KCNT1: variants seen among roughly 807,000 people sequenced by gnomAD.
KCNT1 encodes potassium sodium-activated channel subfamily T member 1.
Under a neutral mutation model 147.8 loss-of-function variants are expected in KCNT1, and 78 were observed. That is an observed-to-expected ratio of 0.53 (90% CI 0.44 to 0.64). KCNT1 has a LOEUF of 0.64. Ranked by LOEUF, KCNT1 falls within the 30% of genes least tolerant of loss-of-function variation. The pLI is 0.00. For synonymous variants in KCNT1, 867 were observed against 748.8 expected (o/e 1.16, Z -2.58); for missense variants, 1,419 against 1,750.3 (o/e 0.81, Z 3.38).
At chr9:135,750,807 C>T (rs1416810573) in intron 3 of KCNT1, 135 bp from the exon 4 acceptor site, 1 of 750,490 alleles carries the variant, frequency 1.3e-6, no homozygotes, top group African/African-American at 1.7e-5. Flanking sequence ...GCACACAGAG[C>T]TCTGCGTGCA....
intron 23 of KCNT1, 101 bp from the exon 24 acceptor site, chr9:135,779,245 CCACAGCCATGGGA>C: frequency 1.5e-6 from 1 of 666,744 alleles, no homozygotes; most frequent in South Asian, 1.6e-5. Flanking sequence ...TGAGACCCCC[CCACAGCCATGGGA>C]CCCCGCCCTG....
Position 135,791,990 on chromosome 9 carries a change from A to G in KCNT1, c.3588-51A>G, listed in dbSNP as rs368420660. On this transcript the variant is annotated intron_variant, in intron 30 of 30. Transcript: ENST00000371757. The stretch of plus-strand genomic sequence containing the variant: ...GGGGCCGCTCAGCAGAGGGCTGAGC[A>G]GGGGCTGCCCGGCCCACATCCACTC... The G allele has an allele frequency of 9.6e-4, 1,546 of 1,604,558 alleles. 16 individuals carry two copies. The East Asian group carries it at 0.013, about 13-fold the overall frequency.
At chr9:135,754,302 G>T (rs1339349970) in intron 5 of KCNT1, among the ~76,000 whole-genome samples, 1 of 152,222 alleles carries the variant, frequency 6.6e-6, no homozygotes, top group African/African-American at 2.4e-5. Context: ...TCAATGCTGG[G>T]AATGTCCCCT....
intron 19 of KCNT1, among the ~76,000 whole-genome samples, chr9:135,773,212 G>A (rs144312876): frequency 1.1e-3 from 165 of 152,304 alleles, no homozygotes; most frequent in African/African-American, 3.7e-3. Flanking sequence ...AGTTGGGGCT[G>A]GGGGTGCAGA....
intron 2 of KCNT1, among the ~76,000 whole-genome samples, chr9:135,748,121 C>T (rs1017956833): frequency 1.4e-4 from 21 of 152,180 alleles, no homozygotes; most frequent in East Asian, 5.8e-4. Flanking sequence ...TTTATTGAGA[C>T]GGGGGTCTTG....
intron 2 of KCNT1, among the ~76,000 whole-genome samples, chr9:135,725,777 G>C (rs1347627862): frequency 6.6e-6 from 1 of 152,242 alleles, no homozygotes; most frequent in Non-Finnish European, 1.5e-5. Flanking sequence ...GGCGGACAGA[G>C]TCTGTTTCCA....
intron 2 of KCNT1, among the ~76,000 whole-genome samples, chr9:135,743,635 C>T (rs1328715052): frequency 3.3e-5 from 5 of 152,346 alleles, no homozygotes; most frequent in African/African-American, 1.2e-4. Context: ...GTTCTCCTGG[C>T]CCCACCCCAG....
At chr9:135,765,312 C>T (rs1426135649) in intron 12 of KCNT1, 117 bp downstream of exon 12, 2 of 988,056 alleles carry the variant, frequency 2.0e-6, no homozygotes, top group Non-Finnish European at 3.0e-6. Flanking sequence ...TTTACCCCTT[C>T]AGTGAGGGCA....
intron 19 of KCNT1, among the ~76,000 whole-genome samples, chr9:135,774,183 ATG>A (rs554991327): frequency 2.3e-5 from 3 of 133,080 alleles, no homozygotes; most frequent in African/African-American, 5.8e-5. Context: ...CGTGTGTGTG[ATG>A]TGTGTCTGAG....
intron 9 of KCNT1, among the ~76,000 whole-genome samples, chr9:135,758,140 GGCTGCC>G: frequency 6.9e-6 from 1 of 144,230 alleles, no homozygotes; most frequent in African/African-American, 2.6e-5. Context: ...TGTGGCCGTG[GGCTGCC>G]CCGTGGGCCT....
intron 29 of KCNT1, among the ~76,000 whole-genome samples, chr9:135,786,950 T>G (rs1834103005): frequency 6.6e-6 from 1 of 152,196 alleles, no homozygotes; most frequent in African/African-American, 2.4e-5. Flanking sequence ...GTCGAGGGCA[T>G]CAGCTAGAGT....
chr9:135,772,815 G>T lies in KCNT1; in HGVS notation c.2109G>T (p.Ser703=), dbSNP rs767200583. Residue 703 remains serine (S), a synonymous_variant, in exon 19 of 31, where the codon TCG becomes TCT. Coordinates refer to ENST00000371757, the MANE Select transcript of KCNT1 (RefSeq NM_020822.3). The part of the protein sequence containing the change: ...SKLALPTENG[S]GSRRPSIAPV... ...TGGCACTGCCCACGGAGAACGGCTC[G>T]GGCAGCCGGCGGCCCAGCATCGCGC... 2.8e-5 allele frequency: 43 copies of T among 1,514,454 alleles called. No homozygotes were observed. The highest frequency in any genetic ancestry group is 3.6e-5 in the Non-Finnish European group (41 of 1,129,606). 93.8% of individuals were successfully genotyped at this position (1,514,454 alleles called of 1,614,324 possible).
At chr9:135,772,974 C>T in intron 19 of KCNT1, 25 bp downstream of exon 19, 1 of 1,418,396 alleles carries the variant, frequency 7.1e-7, no homozygotes, top group Non-Finnish European at 9.2e-7. Context: ...GGAGACGGCT[C>T]CCAGTGGGGG....
intron 2 of KCNT1, among the ~76,000 whole-genome samples, chr9:135,740,096 A>T (rs1266373177): frequency 6.6e-6 from 1 of 151,940 alleles, no homozygotes; most frequent in Non-Finnish European, 1.5e-5. Flanking sequence ...ATCTCTTCTT[A>T]TAAGGACACC....
intron 2 of KCNT1, among the ~76,000 whole-genome samples, chr9:135,731,678 A>AG (rs1387213409): frequency 6.6e-6 from 1 of 151,950 alleles, no homozygotes; most frequent in Non-Finnish European, 1.5e-5. Context: ...TAATAGTCCT[A>AG]GACCTCATTT....
At chr9:135,785,079 G>A (rs1431318423) in intron 27 of KCNT1, among the ~76,000 whole-genome samples, 190 bp downstream of exon 27, 7 of 152,202 alleles carry the variant, frequency 4.6e-5, no homozygotes, top group African/African-American at 1.2e-4. Context: ...CGTCTGGTCC[G>A]TGTGCCCACG....
chr9:135,731,960 G>GTGTATA (rs1471079492), intron 2 of KCNT1, among the ~76,000 whole-genome samples: 17 of 41,412 alleles, frequency 4.1e-4, no homozygotes, highest in Non-Finnish European at 6.2e-4. Flanking sequence ...AAATATGCGT[G>GTGTATA]TATATATATA....
chr9:135,751,528 T>TG (rs776492303), intron 4 of KCNT1, among the ~76,000 whole-genome samples: 1 of 152,152 alleles, frequency 6.6e-6, no homozygotes, highest in Non-Finnish European at 1.5e-5. Context: ...GGAGAGGTGC[T>TG]GGGGGCAGCA....
rs1243244064 is a variant in KCNT1 at position 135,786,191 on chromosome 9, G to GT, written c.3178-6_3178-5insT. 2 of 1,596,994 alleles carry GT rather than the reference G, an allele frequency of 1.3e-6. No individual in the cohort carries two copies. Among genetic ancestry groups the GT allele is most frequent in the East Asian group, 4.5e-5 (2 of 44,554 alleles). ...TCCCCGCCCTGCCCTGCCCTGCCCT[G>GT]CCCAGTCCCAGATCTCGGTGAACGT... is the stretch of plus-strand genomic sequence containing the variant. On this transcript the variant is annotated splice_region_variant and splice_polypyrimidine_tract_variant and intron_variant, in intron 28 of 30. Transcript: ENST00000371757.
Sources: gnomAD v4.1 joint callset for allele counts (sites outside exome capture counted in the v4.1 genomes callset) on GRCh38, gnomAD v4.1.1 for gene constraint, MANE v1.5 for transcripts, NCBI Gene and HGNC (gene_info 2026-07-23, HGNC 2026-07-21) for gene names.